Variants in SATB2 observed in about 807,000 individuals in gnomAD.
SATB2 encodes DNA-binding protein SATB2.
SATB2 carries 1 observed loss-of-function variant against 73.4 expected under a neutral mutation model. The observed-to-expected ratio is 0.01, with a 90% CI of 0.00 to 0.06. The LOEUF (loss-of-function observed/expected upper bound fraction) is 0.06, where lower values mean the gene tolerates loss of function less well. Among genes scored for constraint, SATB2 ranks in the 10% least tolerant of loss-of-function variants. SATB2 has a pLI of 1.00. For synonymous variants in SATB2, 397 were observed against 367.0 expected, an observed-to-expected ratio of 1.08 and a Z score of -0.93; for missense variants, 459 against 945.8, an observed-to-expected ratio of 0.49 and a Z score of 6.75.
intron 6 of SATB2, among the ~76,000 whole-genome samples, chr2:199,366,907 C>T (rs1689301954): frequency 6.6e-6 from 1 of 151,264 alleles, no homozygotes; most frequent in African/African-American, 2.4e-5. Context: ...CGAATGCACA[C>T]ACACACACAC....
chr2:199,376,123 A>G (rs1055686603), intron 5 of SATB2, among the ~76,000 whole-genome samples: 4 of 152,204 alleles, frequency 2.6e-5, no homozygotes, highest in African/African-American at 4.8e-5. Flanking sequence ...TCCACATTAC[A>G]TATCCATGAT....
At chr2:199,323,747 G>A in intron 9 of SATB2, 56 bp downstream of exon 9, 1 of 1,513,106 alleles carries the variant, frequency 6.6e-7, no homozygotes, top group Admixed American at 1.7e-5. Context: ...TATTGGTGGA[G>A]GAAGGAGAAG....
intron 3 of SATB2, among the ~76,000 whole-genome samples, chr2:199,416,898 T>C (rs1691004945): frequency 6.6e-6 from 1 of 152,016 alleles, no homozygotes; most frequent in Non-Finnish European, 1.5e-5. Flanking sequence ...TAGCCAGGTA[T>C]GGTGGCAGGT....
chr2:199,440,536 C>T (rs1243258645), intron 2 of SATB2, among the ~76,000 whole-genome samples: 6 of 152,046 alleles, frequency 3.9e-5, no homozygotes, highest in African/African-American at 1.4e-4. Context: ...AAAAATTTCA[C>T]CAATTTTAAA....
At chr2:199,380,069 A>G (rs902009489) in intron 5 of SATB2, among the ~76,000 whole-genome samples, 2 of 150,594 alleles carry the variant, frequency 1.3e-5, no homozygotes, top group African/African-American at 4.9e-5. Flanking sequence ...TTCTTTGTAG[A>G]GATGGGGTTT....
chr2:199,321,417 T>G (rs1015835345), intron 9 of SATB2, among the ~76,000 whole-genome samples: 2 of 150,246 alleles, frequency 1.3e-5, no homozygotes, highest in African/African-American at 4.9e-5. Context: ...AGATACACCT[T>G]ATGGATATAT....
chr2:199,466,238 T>C (rs968739736), upstream of SATB2, among the ~76,000 whole-genome samples: 10 of 152,174 alleles, frequency 6.6e-5, no homozygotes, highest in Admixed American at 5.9e-4. Flanking sequence ...ACCCAACAGC[T>C]GGGGCACTGG....
chr2:199,328,633 G>A, intron 8 of SATB2, 65 bp downstream of exon 8: 2 of 1,200,062 alleles, frequency 1.7e-6, no homozygotes, highest in Non-Finnish European at 2.5e-6. Context: ...GGAAAACACA[G>A]TAACTAGTGA....
At chr2:199,326,597 C>A (rs1378891589) in intron 8 of SATB2, among the ~76,000 whole-genome samples, 1 of 152,068 alleles carries the variant, frequency 6.6e-6, no homozygotes, top group Non-Finnish European at 1.5e-5. Context: ...GCAGAAGTAA[C>A]TTTCTAAGAA....
At chr2:199,321,841 C>T (rs1687901382) in intron 9 of SATB2, among the ~76,000 whole-genome samples, 1 of 151,794 alleles carries the variant, frequency 6.6e-6, no homozygotes, top group African/African-American at 2.4e-5. Flanking sequence ...ATAAGGTTCC[C>T]CACTCATAGA....
intron 3 of SATB2, among the ~76,000 whole-genome samples, chr2:199,420,364 A>G (rs1361416390): frequency 6.6e-6 from 1 of 152,204 alleles, no homozygotes; most frequent in Non-Finnish European, 1.5e-5. Context: ...TTAGGACTAA[A>G]TGGACATAAG....
intron 9 of SATB2, among the ~76,000 whole-genome samples, chr2:199,310,810 C>G (rs1411290642): frequency 6.6e-6 from 1 of 152,206 alleles, no homozygotes; most frequent in Non-Finnish European, 1.5e-5. Context: ...GAAGACAGCA[C>G]CTGCTGTTCT....
At chr2:199,461,640 GT>G (rs1020674246), upstream of SATB2, among the ~76,000 whole-genome samples, 1 of 152,108 alleles carries the variant, frequency 6.6e-6, no homozygotes, top group African/African-American at 2.4e-5. Context: ...TCTAACTGAC[GT>G]TTTTGTCGGG....
chr2:199,328,503 T>C (rs1376414649), intron 8 of SATB2, among the ~76,000 whole-genome samples, 195 bp downstream of exon 8: 1 of 151,958 alleles, frequency 6.6e-6, no homozygotes, highest in Non-Finnish European at 1.5e-5. Context: ...ATCATGCTAC[T>C]GCACTCCAGC....
chr2:199,455,541 G>A lies in SATB2; in HGVS notation c.169+328C>T, dbSNP rs1285075343. On this transcript the variant is annotated intron_variant, in intron 2 of 10. Coordinates refer to ENST00000417098, the MANE Select transcript of SATB2 (RefSeq NM_001172509.2). This position sits in a 1 kb window ranked among gnomAD's most constrained non-coding sequence, Gnocchi z 4.1. The stretch of plus-strand genomic sequence containing the variant: ...ACTTCATCCCTACAACAGACACTCC[G>A]AGGCAAGGCAAAAGAGTTAAATCAC... Among the ~76,000 whole-genome samples the A allele has an allele frequency of 1.3e-5, 2 of 152,142 alleles. No homozygotes were observed. Among genetic ancestry groups the A allele is most frequent in the Non-Finnish European group, 2.9e-5 (2 of 68,042 alleles).
intron 7 of SATB2, chr2:199,347,235 T>C (rs974430446): frequency 6.6e-6 from 1 of 152,180 alleles, no homozygotes; most frequent in Non-Finnish European, 1.5e-5. Flanking sequence ...TTATTGAGGT[T>C]TCAATCCAGC....
intron 3 of SATB2, among the ~76,000 whole-genome samples, chr2:199,419,383 C>G (rs1429913982): frequency 3.3e-5 from 5 of 152,140 alleles, no homozygotes; most frequent in African/African-American, 1.2e-4. Flanking sequence ...TAAATGGCAC[C>G]CCCAGTGCCC....
chr2:199,426,700 AAAAAAAAAAAAG>A (rs1485702001), intron 3 of SATB2, among the ~76,000 whole-genome samples: 1 of 93,820 alleles, frequency 1.1e-5, no homozygotes, highest in East Asian at 8.0e-4. Context: ...CTCAAAAAAA[AAAAAAAAAAAAG>A]AAAAGAAAAG....
chr2:199,365,215 C>T (rs1323791751), intron 6 of SATB2, among the ~76,000 whole-genome samples: 1 of 149,094 alleles, frequency 6.7e-6, no homozygotes, highest in Non-Finnish European at 1.5e-5. Flanking sequence ...ATAAAATGTA[C>T]TTTTTTTTTT....
Sources: gnomAD v4.1 joint callset for allele counts (sites outside exome capture counted in the v4.1 genomes callset) on GRCh38, gnomAD v4.1.1 for gene constraint, Gnocchi (gnomAD v3.1) non-coding constraint, MANE v1.5 for transcripts, NCBI Gene and HGNC (gene_info 2026-07-23, HGNC 2026-07-21) for gene names.